The following SSH3 variants were observed in gnomAD, a reference collection of about 807,000 sequenced individuals.
SSH3 encodes the protein protein phosphatase Slingshot homolog 3.
In SSH3, 67 loss-of-function variants were observed where a neutral mutation model predicts 75.0. The ratio of observed to expected loss-of-function variants is 0.89; its 90% CI spans 0.73 to 1.10. SSH3 has a LOEUF of 1.10. SSH3 is among the 50% of genes least tolerant of loss of function. The probability of loss-of-function intolerance (pLI) is 0.00; values close to 1 mark genes in which losing one functional copy is unlikely to be tolerated. For missense variants in SSH3, 824 were observed against 872.7 expected, an observed-to-expected ratio of 0.94 and a Z score of 0.70; for synonymous variants, 318 against 349.2, an observed-to-expected ratio of 0.91 and a Z score of 1.00.
In SSH3 at chr11:67,304,837, G is replaced by A. The variant is rs767946607; in HGVS notation, c.169G>A (p.Ala57Thr). ...GCAGGATGGAGGGGACAATGATGAT[G>A]CAGCAGAGGCCAGTTCTGAGCCAAC... ...GLQDGGDNDD[A>T]AEASSEPTEK... Residue 57 changes from alanine to threonine, a missense_variant, in exon 3 of 14, where the codon GCA becomes ACA. Coordinates refer to ENST00000308127, the MANE Select transcript of SSH3 (RefSeq NM_017857.4). 279 of 1,613,530 alleles carry A rather than the reference G, an allele frequency of 1.7e-4. No individual in the cohort carries two copies. The highest frequency in any genetic ancestry group is 2.2e-4 in the Non-Finnish European group (256 of 1,179,958).
At chr11:67,303,859 C>A in intron 1 of SSH3, 168 bp downstream of exon 1, 1 of 786,182 alleles carries the variant, frequency 1.3e-6, no homozygotes, top group Non-Finnish European at 1.9e-6. Flanking sequence ...GGCGCCGGGG[C>A]ACAATCCAGA....
intron 1 of SSH3, chr11:67,303,897 G>T: frequency 1.3e-6 from 1 of 758,182 alleles, no homozygotes; most frequent in Admixed American, 3.7e-5. Context: ...GGCTGCGGAG[G>T]CCCCGATCTG....
In SSH3 at chr11:67,311,665, C is replaced by A; in HGVS notation, c.1758C>A (p.Gly586=). 6.2e-7 allele frequency: 1 copy of A among 1,614,082 alleles called. No homozygotes were observed. The highest frequency in any genetic ancestry group is 8.5e-7 in the Non-Finnish European group (1 of 1,180,022). The change falls in exon 14 of 14, where the codon GGC becomes GGA. Residue 586 remains glycine (G), a synonymous_variant. Transcript: ENST00000308127. The stretch of plus-strand genomic sequence containing the variant: ...CACAGCTTGCAAGGACCAAGGGAGG[C>A]CAGCAGGTGGACAGGGGGCCTCAGC... ...PFPQLARTKG[G]QQVDRGPQPA...
chr11:67,307,027 T>C lies in SSH3; in HGVS notation c.465-15T>C. 6.2e-7 allele frequency: 1 copy of C among 1,613,954 alleles called. No individual in the cohort carries two copies. Among genetic ancestry groups the C allele is most frequent in the Non-Finnish European group, 8.5e-7 (1 of 1,179,918 alleles). ...GGACAGGGGGGACAATGGCTTTCCC[T>C]CTGTCCCCTGCCAGCTCCCCCAGCT... On this transcript the variant is annotated splice_polypyrimidine_tract_variant and intron_variant, in intron 4 of 13. Coordinates refer to ENST00000308127, the MANE Select transcript of SSH3 (RefSeq NM_017857.4). The surrounding 1 kb of genome is among the most constrained non-coding windows in gnomAD (Gnocchi z 4.2).
Position 67,307,977 on chromosome 11 carries a change from G to C in SSH3, c.885+38G>C. 6.2e-7 allele frequency: 1 copy of C among 1,612,620 alleles called. No homozygotes were observed. Among genetic ancestry groups the C allele is most frequent in the Non-Finnish European group, 8.5e-7 (1 of 1,179,102 alleles). On this transcript the variant is annotated intron_variant, in intron 8 of 13. Transcript: ENST00000308127. The surrounding 1 kb of genome is among the most constrained non-coding windows in gnomAD (Gnocchi z 4.2). Reference sequence around the variant, plus strand: ...CCCGGGGACTGAGTCCCCTCTAGCAGGGGCTGCAAGCTTGCCTTTCCTGGG... The same window carrying C: ...CCCGGGGACTGAGTCCCCTCTAGCACGGGCTGCAAGCTTGCCTTTCCTGGG...
Position 67,304,921 on chromosome 11 carries a change from T to C in SSH3, c.253T>C (p.Ser85Pro). 6.2e-7 allele frequency: 1 copy of C among 1,613,634 alleles called. No homozygotes were observed. The highest frequency in any genetic ancestry group is 1.3e-5 in the African/African-American group (1 of 74,980). ...GGACCAGACAGACTTCGGGCAAGGA[T>C]CCCAGAGTCCCCAGAAGCAGGAGGA... The part of the protein sequence containing the change: ...HGDQTDFGQG[S>P]QSPQKQEEQR... Residue 85 changes from serine to proline, a missense_variant, in exon 3 of 14, where the codon TCC becomes CCC. Physicochemically the swap from Ser to Pro is moderately conservative, Grantham distance 74 (BLOSUM62 -1). Transcript: ENST00000308127.
chr11:67,305,999 A>C (rs925690965), intron 3 of SSH3, among the ~76,000 whole-genome samples: 1 of 152,064 alleles, frequency 6.6e-6, no homozygotes, highest in Non-Finnish European at 1.5e-5. Context: ...AAAACAACAA[A>C]AAAAAACTGG....
In SSH3 at chr11:67,307,519, A is replaced by G. The variant is rs372904476; in HGVS notation, c.603-30A>G. On this transcript the variant is annotated intron_variant, in intron 6 of 13. Transcript: ENST00000308127. This position sits in a 1 kb window ranked among gnomAD's most constrained non-coding sequence, Gnocchi z 4.2. ...GCCTGGGGAAGGGCAGCAAGGGAAC[A>G]GTGTGACCCAGCCTCTCCTCCTGTC... 280 of 1,610,894 alleles carry G rather than the reference A, an allele frequency of 1.7e-4. No individual in the cohort carries two copies. Among genetic ancestry groups the G allele is most frequent in the Non-Finnish European group, 2.2e-4 (261 of 1,178,270 alleles).
chr11:67,309,964 G>A lies in SSH3; in HGVS notation c.1405G>A (p.Ala469Thr). 6.2e-7 allele frequency: 1 copy of A among 1,610,244 alleles called. No homozygotes were observed. Among genetic ancestry groups the A allele is most frequent in the Non-Finnish European group, 8.5e-7 (1 of 1,179,982 alleles). Residue 469 changes from alanine (A) to threonine (T), a missense_variant, in exon 12 of 14, where the codon GCC becomes ACC. Coordinates refer to ENST00000308127, the MANE Select transcript of SSH3 (RefSeq NM_017857.4). The stretch of plus-strand genomic sequence containing the variant: ...GCAGATCTACCAGGGCATCCTGACG[G>A]CCAGGTATGGGATGGGAGCGAGTGG... ...QLQIYQGILT[A>T]SRQSHVWEQK...
At chr11:67,304,261 G>A in intron 2 of SSH3, 106 bp downstream of exon 2, 1 of 922,558 alleles carries the variant, frequency 1.1e-6, no homozygotes, top group Non-Finnish European at 1.6e-6. Context: ...AGGACGCGCA[G>A]CGAAGCCCAC....
chr11:67,308,105 C>A lies in SSH3; in HGVS notation c.886-69C>A. 1.3e-6 allele frequency: 2 copies of A among 1,589,152 alleles called. No homozygotes were observed. The highest frequency in any genetic ancestry group is 3.4e-5 in the Admixed American group (2 of 58,438). ...GGATAGGGTGCTGTCCTCAGAGGTC[C>A]CAGAGGGAAGGTGGCAGGTTGGGCA... On this transcript the variant is annotated intron_variant, in intron 8 of 13. Coordinates refer to ENST00000308127, the MANE Select transcript of SSH3 (RefSeq NM_017857.4). This position sits in a 1 kb window ranked among gnomAD's most constrained non-coding sequence, Gnocchi z 4.9.
intron 3 of SSH3, among the ~76,000 whole-genome samples, chr11:67,306,007 TGGCC>T (rs1861229970): frequency 6.7e-6 from 1 of 150,352 alleles, no homozygotes; most frequent in African/African-American, 2.4e-5. Context: ...AAAAAAAAAC[TGGCC>T]GGGCGCGGTG....
At chr11:67,310,653 CA>C (rs1861385150) in intron 13 of SSH3, among the ~76,000 whole-genome samples, 1 of 152,196 alleles carries the variant, frequency 6.6e-6, no homozygotes, top group African/African-American at 2.4e-5. Flanking sequence ...GCACTGTAGG[CA>C]CAGGCTGGAG....
rs1156358648 is a variant in SSH3 at position 67,308,695 on chromosome 11, AC to A, written c.1061+238del. Reference sequence around the variant, plus strand: ...TCCACACTGTGAAACAAGGACAGAAACAAAGGGCCTCAGCCACGCCAAGACG... The same window carrying A: ...TCCACACTGTGAAACAAGGACAGAAAAAAGGGCCTCAGCCACGCCAAGACG... On this transcript the variant is annotated intron_variant, in intron 10 of 13. Coordinates refer to ENST00000308127, the MANE Select transcript of SSH3 (RefSeq NM_017857.4). This position sits in a 1 kb window ranked among gnomAD's most constrained non-coding sequence, Gnocchi z 4.9. Among the ~76,000 whole-genome samples, 1 of 151,980 alleles carries A rather than the reference AC, an allele frequency of 6.6e-6. No individual in the cohort carries two copies. The highest frequency in any genetic ancestry group is 1.5e-5 in the Non-Finnish European group (1 of 67,982).
rs949027751 is a variant in SSH3 at position 67,310,098 on chromosome 11, G to A, written c.1442G>A (p.Gly481Asp). The stretch of plus-strand genomic sequence containing the variant: ...AGCCATGTCTGGGAGCAGAAAGTGG[G>A]TGGGGTCTCCCCAGAGGAGCACCCA... The part of the protein sequence containing the change: ...RQSHVWEQKV[G>D]GVSPEEHPAP... The change falls in exon 13 of 14, where the codon GGT becomes GAT. Residue 481 changes from glycine (G) to aspartate (D), a missense_variant. By Grantham distance (94) the Gly-to-Asp change is moderately conservative. Transcript: ENST00000308127. The A allele has an allele frequency of 5.6e-6, 9 of 1,613,880 alleles. No individual in the cohort carries two copies. The highest frequency in any genetic ancestry group is 7.6e-6 in the Non-Finnish European group (9 of 1,179,922).
chr11:67,309,631 C>A, intron 11 of SSH3, 88 bp downstream of exon 11: 1 of 1,572,946 alleles, frequency 6.4e-7, no homozygotes, highest in Non-Finnish European at 8.6e-7. Context: ...ATCAGCTGTG[C>A]CATTCCTTCC....
In SSH3 at chr11:67,309,280, GC is replaced by G. The variant is rs372489109; in HGVS notation, c.1062-115del. On this transcript the variant is annotated intron_variant, in intron 10 of 13. Coordinates refer to ENST00000308127, the MANE Select transcript of SSH3 (RefSeq NM_017857.4). ...CACTTCTCCTCCCACTGTCACTGCT[GC>G]CTCCATCTGACTTGAAACTCAGAGC... 1,954 of 1,305,724 alleles carry G rather than the reference GC, an allele frequency of 1.5e-3. 49 individuals carry two copies. In the South Asian group the frequency reaches 0.025, roughly 16 times the overall value. The allele number at this position is 1,305,724 out of a possible 1,614,324, so 80.9% of individuals were successfully genotyped here. A position where few individuals can be genotyped will look rare whatever the true frequency, so the allele number is the denominator to read the frequency against.
Position 67,304,100 on chromosome 11 carries a change from G to A in SSH3, c.67-18G>A, listed in dbSNP as rs764874935. The A allele has an allele frequency of 4.4e-6, 7 of 1,583,788 alleles. No individual in the cohort carries two copies. Among genetic ancestry groups the A allele is most frequent in the South Asian group, 1.1e-5 (1 of 87,418 alleles). ...CCCTCCCCGCCCTCACCCTGCCCTGGGGCTGCTCTCTCCGCAGGACCAGGC... is the reference window on the plus strand; with the variant it reads ...CCCTCCCCGCCCTCACCCTGCCCTGAGGCTGCTCTCTCCGCAGGACCAGGC... On this transcript the variant is annotated intron_variant, in intron 1 of 13. Coordinates refer to ENST00000308127, the MANE Select transcript of SSH3 (RefSeq NM_017857.4).
In SSH3 at chr11:67,304,173, C is replaced by T. The variant is rs1039199555; in HGVS notation, c.104+18C>T. ...CAGCGAAGGTGAGCGCCACCTCCCC[C>T]ACGCAGACACTTCCGTCTGCCCCGG... On this transcript the variant is annotated intron_variant, in intron 2 of 13. Transcript: ENST00000308127. The T allele has an allele frequency of 1.9e-6, 3 of 1,575,790 alleles. No individual in the cohort carries two copies. The highest frequency in any genetic ancestry group is 1.3e-5 in the African/African-American group (1 of 74,190).
Sources: allele counts gnomAD v4.1 joint callset (sites outside exome capture counted in the v4.1 genomes callset), GRCh38; gene constraint gnomAD v4.1.1; non-coding constraint Gnocchi (gnomAD v3.1); transcripts MANE v1.5; gene names NCBI Gene and HGNC (gene_info 2026-07-23, HGNC 2026-07-21).